TMEM38B: variants seen among roughly 807,000 people sequenced by gnomAD.
TMEM38B encodes the protein transmembrane protein 38B.
TMEM38B carries 24 observed loss-of-function variants against 28.7 expected under a neutral mutation model. The ratio of observed to expected loss-of-function variants is 0.84; its 90% CI spans 0.61 to 1.18. The LOEUF (loss-of-function observed/expected upper bound fraction) is 1.18. TMEM38B is among the 50% of genes most tolerant of loss of function. TMEM38B has a pLI of 0.00. For missense variants in TMEM38B, 380 were observed against 350.9 expected, an observed-to-expected ratio of 1.08 and a Z score of -0.66; for synonymous variants, 131 against 127.7, an observed-to-expected ratio of 1.03 and a Z score of -0.17.
At chr9:105,753,336 A>C (rs1837725831) in intron 5 of TMEM38B, among the ~76,000 whole-genome samples, 1 of 152,176 alleles carries the variant, frequency 6.6e-6, no homozygotes. Flanking sequence ...ATACTCCATG[A>C]GAAGTTCAAC....
chr9:105,708,193 C>CT (rs1835753854), intron 2 of TMEM38B, among the ~76,000 whole-genome samples: 1 of 152,004 alleles, frequency 6.6e-6, no homozygotes, highest in Admixed American at 6.6e-5. Flanking sequence ...ATTCAACCAG[C>CT]TGCAGATCAA....
At chr9:105,729,195 A>G (rs1434830099) in intron 4 of TMEM38B, among the ~76,000 whole-genome samples, 1 of 152,178 alleles carries the variant, frequency 6.6e-6, no homozygotes, top group African/African-American at 2.4e-5. Flanking sequence ...GTTTTCTTCC[A>G]GGGATTTTAT....
At chr9:105,730,414 T>G (rs951552853) in intron 4 of TMEM38B, among the ~76,000 whole-genome samples, 1 of 152,208 alleles carries the variant, frequency 6.6e-6, no homozygotes, top group African/African-American at 2.4e-5. Context: ...ATCCCAAGGA[T>G]GAAGCCAACT....
intron 1 of TMEM38B, among the ~76,000 whole-genome samples, chr9:105,696,939 C>T (rs1432134277): frequency 6.6e-6 from 1 of 152,116 alleles, no homozygotes; most frequent in East Asian, 1.9e-4. Context: ...GTTGGAGTTG[C>T]TTTAGCCGCC....
rs1826669253 is a variant in TMEM38B, at chr9:105,774,642, AC to A, written c.*564del. The A allele has an allele frequency of 6.6e-6, 1 of 152,016 alleles. No individual in the cohort carries two copies. The highest frequency in any genetic ancestry group is 1.9e-4 in the East Asian group (1 of 5,200). The allele number at this position is 152,016 out of a possible 1,614,324, so 9.4% of individuals were successfully genotyped here. On this transcript the variant is annotated 3_prime_UTR_variant, in exon 6 of 6. Coordinates refer to ENST00000374692, the MANE Select transcript of TMEM38B (RefSeq NM_018112.3). ...TATAAACATCATATTTTTTATTAAT[AC>A]CTACATCAAATGGAAAATATCTGAA...
intron 5 of TMEM38B, chr9:105,760,376 C>T: frequency 3.9e-6 from 3 of 761,886 alleles, no homozygotes; most frequent in Non-Finnish European, 7.3e-6. Context: ...CAAGTACCAA[C>T]TTATTTACAG....
chr9:105,770,805 GA>G (rs577267072), intron 5 of TMEM38B, among the ~76,000 whole-genome samples: 145 of 152,258 alleles, frequency 9.5e-4, no homozygotes, highest in African/African-American at 3.4e-3. Flanking sequence ...GTGGAGACAG[GA>G]AGAAGTATGT....
intron 2 of TMEM38B, 71 bp from the exon 3 acceptor site, chr9:105,721,466 G>A (rs1015774126): frequency 3.2e-5 from 36 of 1,137,178 alleles, no homozygotes; most frequent in Non-Finnish European, 3.9e-5. Context: ...TGTTGTTGCT[G>A]TTAGGTTAGA....
intron 5 of TMEM38B, among the ~76,000 whole-genome samples, chr9:105,765,604 C>T (rs1002947531): frequency 6.6e-6 from 1 of 152,086 alleles, no homozygotes; most frequent in South Asian, 2.1e-4. Flanking sequence ...AGTATGTACT[C>T]ATTTTGTTTT....
At chr9:105,699,714 A>C (rs1010554241) in intron 1 of TMEM38B, among the ~76,000 whole-genome samples, 4 of 132,206 alleles carry the variant, frequency 3.0e-5, no homozygotes, top group African/African-American at 1.0e-4. Context: ...CAGGTAATAC[A>C]ACAAGTGGGA....
intron 1 of TMEM38B, chr9:105,700,862 C>T (rs967782897): frequency 5.3e-5 from 8 of 152,052 alleles, no homozygotes; most frequent in African/African-American, 1.9e-4. Flanking sequence ...GATTTTCAAA[C>T]ACACCCATAT....
At chr9:105,697,766 G>GA (rs1349595720) in intron 1 of TMEM38B, among the ~76,000 whole-genome samples, 2 of 151,736 alleles carry the variant, frequency 1.3e-5, no homozygotes, top group African/African-American at 4.8e-5. Context: ...ACTTTTCCAT[G>GA]AAAAAATCTA....
chr9:105,760,023 A>G lies in TMEM38B; in HGVS notation c.660+11833A>G. ...ATAAAAGACTCTGCAAAAGTTCAAT[A>G]GAATTTTCAGAAAATTCTTTACTTC... On this transcript the variant is annotated intron_variant, in intron 5 of 5. Transcript: ENST00000374692. 5 of 1,387,480 alleles carry G rather than the reference A, an allele frequency of 3.6e-6. No homozygotes were observed. The South Asian group carries it at 5.0e-5, about 14-fold the overall frequency. 85.9% of individuals were successfully genotyped at this position (1,387,480 alleles called of 1,614,324 possible).
intron 5 of TMEM38B, among the ~76,000 whole-genome samples, chr9:105,750,264 A>T (rs886567511): frequency 6.6e-6 from 1 of 151,886 alleles, no homozygotes; most frequent in African/African-American, 2.4e-5. Flanking sequence ...TGATTTGCAG[A>T]TATTTTCTTC....
At chr9:105,772,657 T>TA (rs201450206) in intron 5 of TMEM38B, among the ~76,000 whole-genome samples, 1 of 152,074 alleles carries the variant, frequency 6.6e-6, no homozygotes, top group Non-Finnish European at 1.5e-5. Flanking sequence ...GGCATGTATT[T>TA]AAAAAAATTT....
intron 5 of TMEM38B, among the ~76,000 whole-genome samples, chr9:105,757,036 T>C (rs1837859853): frequency 6.6e-6 from 1 of 152,164 alleles, no homozygotes; most frequent in Non-Finnish European, 1.5e-5. Flanking sequence ...ACCCAATGTG[T>C]AGTCTTTTGT....
chr9:105,700,296 G>A (rs993000851), intron 1 of TMEM38B, among the ~76,000 whole-genome samples: 2 of 152,096 alleles, frequency 1.3e-5, no homozygotes, highest in Admixed American at 6.5e-5. Flanking sequence ...GTCACATAAG[G>A]TTGCACTACC....
At chr9:105,704,546 GTTGT>G (rs539451204) in intron 1 of TMEM38B, among the ~76,000 whole-genome samples, 220 of 151,912 alleles carry the variant, frequency 1.4e-3, no homozygotes, top group Non-Finnish European at 2.5e-3. Flanking sequence ...GTTGTTGTTT[GTTGT>G]TTGTTTTTGT....
intron 2 of TMEM38B, among the ~76,000 whole-genome samples, chr9:105,712,587 C>T (rs887821962): frequency 3.3e-5 from 5 of 152,212 alleles, no homozygotes; most frequent in African/African-American, 7.2e-5. Context: ...GATCCCTTTA[C>T]CAAGACTTCT....
Sources: allele counts gnomAD v4.1 joint callset (sites outside exome capture counted in the v4.1 genomes callset), GRCh38; gene constraint gnomAD v4.1.1; transcripts MANE v1.5; gene names NCBI Gene and HGNC (gene_info 2026-07-23, HGNC 2026-07-21).